ADAMTS17: variants seen among roughly 807,000 people sequenced by gnomAD.
ADAMTS17 encodes A disintegrin and metalloproteinase with thrombospondin motifs 17.
In ADAMTS17, 113 loss-of-function variants were observed where a neutral mutation model predicts 141.5. That is an observed-to-expected ratio of 0.80 (90% CI 0.69 to 0.93). The LOEUF is 0.93. Among genes scored for constraint, ADAMTS17 ranks in the 40% least tolerant of loss-of-function variants. The pLI, the probability that ADAMTS17 is intolerant of heterozygous loss-of-function variation, is 0.00. For missense variants in ADAMTS17, 1,659 were observed against 1,517.9 expected, an observed-to-expected ratio of 1.09 and a Z score of -1.54; for synonymous variants, 768 against 630.6, an observed-to-expected ratio of 1.22 and a Z score of -3.27.
At chr15:100,297,032 A>G (rs2044847087) in intron 3 of ADAMTS17, among the ~76,000 whole-genome samples, 1 of 152,170 alleles carries the variant, frequency 6.6e-6, no homozygotes, top group Non-Finnish European at 1.5e-5. Flanking sequence ...GAGGGGCCCT[A>G]ATTTACCCTG....
At chr15:100,024,839 T>C (rs930867793) in intron 18 of ADAMTS17, among the ~76,000 whole-genome samples, 2 of 152,226 alleles carry the variant, frequency 1.3e-5, no homozygotes, top group Non-Finnish European at 2.9e-5. Context: ...GGTCAATGTT[T>C]CCTTAGCACG....
chr15:100,283,892 G>A (rs1337561155), intron 3 of ADAMTS17, among the ~76,000 whole-genome samples: 3 of 152,116 alleles, frequency 2.0e-5, no homozygotes, highest in Admixed American at 6.5e-5. Flanking sequence ...GATCACTTGC[G>A]GTCAGGAGTT....
intron 20 of ADAMTS17, among the ~76,000 whole-genome samples, chr15:99,977,941 G>A (rs1596137545): frequency 6.6e-6 from 1 of 152,224 alleles, no homozygotes; most frequent in African/African-American, 2.4e-5. Flanking sequence ...AGGGTTCTGA[G>A]AGCAGTCAGC....
chr15:100,292,369 C>T (rs148549248), intron 3 of ADAMTS17, among the ~76,000 whole-genome samples: 612 of 140,340 alleles, frequency 4.4e-3, no homozygotes, highest in African/African-American at 0.015. Context: ...TGTGAAATTA[C>T]GAGAGATGCT....
chr15:100,098,309 C>T (rs772423670), intron 14 of ADAMTS17, among the ~76,000 whole-genome samples: 5 of 152,140 alleles, frequency 3.3e-5, no homozygotes, highest in Middle Eastern at 3.4e-3. Context: ...CCTAGATTCT[C>T]GGTGTGGACT....
chr15:100,209,684 G>T (rs1377343100), intron 7 of ADAMTS17, among the ~76,000 whole-genome samples: 1 of 152,002 alleles, frequency 6.6e-6, no homozygotes, highest in Non-Finnish European at 1.5e-5. Context: ...TTACAAAGAG[G>T]AAACAGGTGA....
rs151080180 is a variant in ADAMTS17 at position 100,333,064 on chromosome 15, T to G, written c.451-2010A>C. Reference sequence around the variant, plus strand: ...ACGTCCTGTTGAGAAGTGCCACCTATGCATTACACACAGTCTCACCCCAAA... The same window carrying G: ...ACGTCCTGTTGAGAAGTGCCACCTAGGCATTACACACAGTCTCACCCCAAA... On this transcript the variant is annotated intron_variant, in intron 2 of 21. Coordinates refer to ENST00000268070, the MANE Select transcript of ADAMTS17 (RefSeq NM_139057.4). Among the ~76,000 whole-genome samples the G allele has an allele frequency of 4.5e-4, 69 of 152,262 alleles. 1 individual carries two copies. The highest frequency in any genetic ancestry group is 3.4e-3 in the Middle Eastern group (1 of 292).
chr15:100,241,599 G>T (rs1399326502), intron 7 of ADAMTS17, among the ~76,000 whole-genome samples: 2 of 152,184 alleles, frequency 1.3e-5, no homozygotes, highest in Non-Finnish European at 2.9e-5. Context: ...AACGGAGAAA[G>T]AGCCCCTAGG....
At chr15:100,303,175 A>C in intron 3 of ADAMTS17, among the ~76,000 whole-genome samples, 1 of 147,002 alleles carries the variant, frequency 6.8e-6, no homozygotes, top group East Asian at 1.9e-4. Context: ...ATAAAAATTT[A>C]TATATATAAA....
intron 15 of ADAMTS17, 74 bp from the exon 16 acceptor site, chr15:100,054,128 C>A (rs1293726915): frequency 6.3e-7 from 1 of 1,577,242 alleles, no homozygotes; most frequent in Non-Finnish European, 8.7e-7. Flanking sequence ...TAAACGGAAT[C>A]TACAGCCCCT....
At chr15:99,977,400 A>ATT (rs1491361858) in intron 20 of ADAMTS17, among the ~76,000 whole-genome samples, 1 of 4,752 alleles carries the variant, frequency 2.1e-4, no homozygotes, top group African/African-American at 6.2e-4. Context: ...ATATATATAT[A>ATT]ATTTTTTTTT....
intron 19 of ADAMTS17, among the ~76,000 whole-genome samples, chr15:99,995,766 A>G (rs1030887571): frequency 6.6e-6 from 1 of 152,230 alleles, no homozygotes; most frequent in Non-Finnish European, 1.5e-5. Context: ...CAGAAGTACC[A>G]GCTTCGCGAG....
intron 3 of ADAMTS17, among the ~76,000 whole-genome samples, chr15:100,287,623 G>A (rs565030039): frequency 2.0e-5 from 3 of 152,236 alleles, no homozygotes; most frequent in African/African-American, 7.2e-5. Context: ...GAATATTAAA[G>A]GCAACTAGGG....
At chr15:100,064,894 G>C (rs997588411) in intron 15 of ADAMTS17, among the ~76,000 whole-genome samples, 1 of 152,164 alleles carries the variant, frequency 6.6e-6, no homozygotes, top group African/African-American at 2.4e-5. Flanking sequence ...TTAGGCGTTT[G>C]TTTCTGCGAT....
chr15:100,284,803 C>T (rs2044393983), intron 3 of ADAMTS17, among the ~76,000 whole-genome samples: 1 of 152,208 alleles, frequency 6.6e-6, no homozygotes, highest in Non-Finnish European at 1.5e-5. Flanking sequence ...ATGATAGCAA[C>T]TTCAAAAGTA....
At chr15:100,077,461 C>CAAAAAAA (rs61464362) in intron 15 of ADAMTS17, among the ~76,000 whole-genome samples, 2 of 139,334 alleles carry the variant, frequency 1.4e-5, no homozygotes, top group African/African-American at 2.7e-5. Flanking sequence ...GACTCCCTCT[C>CAAAAAAA]AAAAAAAAAA....
chr15:99,975,730 A>C (rs112462876), intron 21 of ADAMTS17, among the ~76,000 whole-genome samples: 168 of 152,266 alleles, frequency 1.1e-3, no homozygotes, highest in African/African-American at 3.7e-3. Context: ...TTCTAGAAAG[A>C]AGCACTTCCC....
chr15:100,225,690 G>T lies in ADAMTS17; in HGVS notation c.1076-26267C>A, dbSNP rs555597941. On this transcript the variant is annotated intron_variant, in intron 7 of 21. Transcript: ENST00000268070. ...CCCATTCAGTCCTTACAGCAGTCACGGTCTCTGTGCCCATTCAGTCCTTAG... is the reference window on the plus strand; with the variant it reads ...CCCATTCAGTCCTTACAGCAGTCACTGTCTCTGTGCCCATTCAGTCCTTAG... 5.9e-4 allele frequency among the ~76,000 whole-genome samples: 88 copies of T among 150,004 alleles called. 1 individual carries two copies. The highest frequency in any genetic ancestry group is 2.1e-3 in the African/African-American group (85 of 40,536).
Position 100,120,639 on chromosome 15 carries a change from G to C in ADAMTS17, c.1722-3626C>G, listed in dbSNP as rs182854136. Reference sequence around the variant, plus strand: ...CCAGCAATGGCTAGGAAAAGATACAGGTTCAAAAAAGACCTGATAAGACCT... The same window carrying C: ...CCAGCAATGGCTAGGAAAAGATACACGTTCAAAAAAGACCTGATAAGACCT... On this transcript the variant is annotated intron_variant, in intron 12 of 21. Transcript: ENST00000268070. Among the ~76,000 whole-genome samples the C allele has an allele frequency of 4.4e-3, 663 of 152,296 alleles. 6 individuals carry two copies. Among genetic ancestry groups the C allele is most frequent in the Non-Finnish European group, 7.2e-3 (490 of 68,022 alleles).
Sources: allele counts gnomAD v4.1 joint callset (sites outside exome capture counted in the v4.1 genomes callset), GRCh38; gene constraint gnomAD v4.1.1; transcripts MANE v1.5; gene names NCBI Gene and HGNC (gene_info 2026-07-23, HGNC 2026-07-21).